The following SDK1 variants were observed in gnomAD, a reference collection of about 807,000 sequenced individuals.
SDK1 encodes the protein sidekick cell adhesion molecule 1, also known as protein sidekick-1.
Under a neutral mutation model 245.5 loss-of-function variants are expected in SDK1, and 157 were observed. That is an observed-to-expected ratio of 0.64 (90% CI 0.56 to 0.73). The LOEUF (loss-of-function observed/expected upper bound fraction) is 0.73. SDK1 is among the 30% of genes least tolerant of loss of function. The pLI is 0.00. For missense variants in SDK1, 3,583 were observed against 3,002.3 expected (o/e 1.19, Z -4.52); for synonymous variants, 1,647 against 1,278.5 (o/e 1.29, Z -6.15).
At chr7:4,040,706 C>T (rs932768914) in intron 17 of SDK1, among the ~76,000 whole-genome samples, 17 of 152,150 alleles carry the variant, frequency 1.1e-4, no homozygotes, top group South Asian at 2.1e-4. Context: ...GGACTGGATG[C>T]GCCATTTGCA....
At chr7:3,601,023 CTTTT>C (rs1371651726) in intron 1 of SDK1, among the ~76,000 whole-genome samples, 1 of 151,934 alleles carries the variant, frequency 6.6e-6, no homozygotes, top group African/African-American at 2.4e-5. Context: ...TAGATTCTTT[CTTTT>C]TTTGTTTTTT....
intron 43 of SDK1, among the ~76,000 whole-genome samples, 197 bp downstream of exon 43, chr7:4,242,110 G>A (rs1195463186): frequency 2.6e-5 from 4 of 152,158 alleles, no homozygotes; most frequent in African/African-American, 7.2e-5. Flanking sequence ...AGAGCGGCTG[G>A]AAATATTTTC....
chr7:4,000,718 C>A (rs1047383373), intron 14 of SDK1, among the ~76,000 whole-genome samples: 2 of 152,222 alleles, frequency 1.3e-5, no homozygotes, highest in African/African-American at 4.8e-5. Flanking sequence ...GTTCTTCATG[C>A]TTCAAATATT....
At chr7:3,902,884 G>A (rs10262942) in intron 5 of SDK1, among the ~76,000 whole-genome samples, 43,260 of 151,904 alleles carry the variant, frequency 0.28, 7,796 homozygotes, top group African/African-American at 0.51. Flanking sequence ...CATATATCTG[G>A]TAAAGGTCAT....
At chr7:4,171,240 G>A (rs1781819555) in intron 32 of SDK1, among the ~76,000 whole-genome samples, 2 of 152,200 alleles carry the variant, frequency 1.3e-5, no homozygotes, top group African/African-American at 2.4e-5. Context: ...GCCGCCTCGG[G>A]TACACCGCAC....
At chr7:3,357,490 C>G (rs1236707152) in intron 1 of SDK1, among the ~76,000 whole-genome samples, 1 of 151,382 alleles carries the variant, frequency 6.6e-6, no homozygotes, top group African/African-American at 2.4e-5. Flanking sequence ...ATCTGGGTTT[C>G]AGGTGCATGC....
At chr7:3,991,994 A>G (rs1583757873) in intron 14 of SDK1, among the ~76,000 whole-genome samples, 2 of 152,188 alleles carry the variant, frequency 1.3e-5, no homozygotes, top group East Asian at 3.8e-4. Flanking sequence ...CTTGGCCTCC[A>G]CTCAGCGTGT....
chr7:3,542,400 A>C (rs1407461800), intron 1 of SDK1, among the ~76,000 whole-genome samples: 1 of 152,134 alleles, frequency 6.6e-6, no homozygotes, highest in Non-Finnish European at 1.5e-5. Context: ...CCTTTGCTTT[A>C]CACCTGCATA....
chr7:4,108,533 C>T (rs76408936), intron 22 of SDK1, among the ~76,000 whole-genome samples: 3,015 of 152,240 alleles, frequency 0.02, 90 homozygotes, highest in African/African-American at 0.069. Flanking sequence ...GCAAGCTGCA[C>T]AGTCTTTTCC....
chr7:3,720,451 C>T (rs747099279), intron 4 of SDK1, among the ~76,000 whole-genome samples: 2 of 152,094 alleles, frequency 1.3e-5, no homozygotes, highest in Non-Finnish European at 2.9e-5. Context: ...AGAGGATATA[C>T]AAATGGCAAA....
At chr7:3,834,645 C>T (rs142328674) in intron 5 of SDK1, among the ~76,000 whole-genome samples, 126 of 152,254 alleles carry the variant, frequency 8.3e-4, no homozygotes, top group African/African-American at 2.9e-3. Context: ...TCAGTGCCCC[C>T]CAGGAAGACT....
intron 4 of SDK1, among the ~76,000 whole-genome samples, chr7:3,809,666 T>C (rs888181246): frequency 1.3e-5 from 2 of 152,208 alleles, no homozygotes; most frequent in East Asian, 3.9e-4. Context: ...TCTGCTATTA[T>C]TTGCTTTTAA....
At chr7:3,609,017 C>T (rs1418595834) in intron 1 of SDK1, among the ~76,000 whole-genome samples, 1 of 151,908 alleles carries the variant, frequency 6.6e-6, no homozygotes, top group African/African-American at 2.4e-5. Context: ...AAGCTAGACA[C>T]TGGAAAAATT....
chr7:3,776,457 A>T (rs971182181), intron 4 of SDK1, among the ~76,000 whole-genome samples: 1 of 152,202 alleles, frequency 6.6e-6, no homozygotes, highest in Non-Finnish European at 1.5e-5. Flanking sequence ...CACATTTGAC[A>T]TTTCTGGTTC....
At chr7:4,143,238 G>A (rs78273760) in intron 28 of SDK1, among the ~76,000 whole-genome samples, 383 of 152,302 alleles carry the variant, frequency 2.5e-3, no homozygotes, top group African/African-American at 8.7e-3. Flanking sequence ...CTGTGGACAG[G>A]TCCGGGGAAT....
In SDK1 at chr7:3,886,477, C is replaced by T. The variant is rs1781341970; in HGVS notation, c.848-64446C>T. On this transcript the variant is annotated intron_variant, in intron 5 of 44. Transcript: ENST00000404826. ...ACTAAGTAGCTTGCCTCCAGTAACA[C>T]TTGGAAGTCTTTTGTGTTCTTTACT... is the stretch of plus-strand genomic sequence containing the variant. 3.3e-5 allele frequency among the ~76,000 whole-genome samples: 5 copies of T among 152,354 alleles called. No homozygotes were observed. In the South Asian group the frequency reaches 1.0e-3, roughly 32 times the overall value.
At chr7:4,201,776 C>T (rs560088090) in intron 35 of SDK1, among the ~76,000 whole-genome samples, 2 of 151,966 alleles carry the variant, frequency 1.3e-5, no homozygotes, top group Admixed American at 1.3e-4. Context: ...GCTTTGGCAA[C>T]AACAGATTAC....
intron 27 of SDK1, 125 bp from the exon 28 acceptor site, chr7:4,132,200 A>G (rs1784873413): frequency 1.1e-5 from 8 of 716,808 alleles, no homozygotes; most frequent in South Asian, 1.8e-5. Flanking sequence ...AGGGGGTTCT[A>G]AACCCACGAC....
intron 4 of SDK1, among the ~76,000 whole-genome samples, chr7:3,754,622 A>T (rs1676603780): frequency 6.6e-6 from 1 of 151,562 alleles, no homozygotes; most frequent in South Asian, 2.1e-4. Context: ...TGTCCCAGGG[A>T]AGTTCTCCCC....
Sources: allele counts gnomAD v4.1 joint callset (sites outside exome capture counted in the v4.1 genomes callset), GRCh38; gene constraint gnomAD v4.1.1; transcripts MANE v1.5; gene names NCBI Gene and HGNC (gene_info 2026-07-23, HGNC 2026-07-21).